Variants in SPIN1 observed in about 807,000 individuals in gnomAD.
The protein encoded by SPIN1 is spindlin-1.
In SPIN1, 3 loss-of-function variants were observed where a neutral mutation model predicts 26.0. That is an observed-to-expected ratio of 0.12 (90% CI 0.05 to 0.30). SPIN1 has a LOEUF of 0.30. Ranked by LOEUF, SPIN1 falls within the 10% of genes least tolerant of loss-of-function variation. The pLI is 1.00. For synonymous variants in SPIN1, 101 were observed against 116.5 expected, an observed-to-expected ratio of 0.87 and a Z score of 0.86; for missense variants, 126 against 333.4, an observed-to-expected ratio of 0.38 and a Z score of 4.84.
intron 1 of SPIN1, among the ~76,000 whole-genome samples, chr9:88,425,066 G>C (rs1827738656): frequency 6.6e-6 from 1 of 152,088 alleles, no homozygotes; most frequent in Non-Finnish European, 1.5e-5. Flanking sequence ...CCATCTTTTT[G>C]GGGGAGCTAT....
At chr9:88,462,808 CTTTT>C (rs1026383859) in intron 4 of SPIN1, 59 bp downstream of exon 4, 8 of 1,495,318 alleles carry the variant, frequency 5.4e-6, no homozygotes, top group South Asian at 1.4e-5. Context: ...GAACTGGATG[CTTTT>C]TTTATTTTAC....
intron 2 of SPIN1, among the ~76,000 whole-genome samples, chr9:88,447,492 C>T (rs375279556): frequency 5.3e-5 from 8 of 152,136 alleles, no homozygotes; most frequent in East Asian, 3.8e-4. Context: ...TTGGCAAGCA[C>T]GTGCTGAGCT....
intron 2 of SPIN1, among the ~76,000 whole-genome samples, chr9:88,446,051 G>C (rs1344153613): frequency 6.6e-6 from 1 of 151,856 alleles, no homozygotes. Flanking sequence ...TTTCCTGTCT[G>C]CTTGTTATAT....
chr9:88,397,362 C>T (rs950833344), intron 1 of SPIN1, among the ~76,000 whole-genome samples: 1 of 151,992 alleles, frequency 6.6e-6, no homozygotes, highest in African/African-American at 2.4e-5. Context: ...CTGTTTTTCC[C>T]CTTGCTTTCC....
intron 4 of SPIN1, among the ~76,000 whole-genome samples, chr9:88,467,291 A>G (rs867047127): frequency 7.2e-5 from 11 of 152,322 alleles, no homozygotes; most frequent in Middle Eastern, 6.8e-3. Context: ...TCATACAAAT[A>G]CTGACCTGCT....
chr9:88,443,780 A>G (rs555416089), intron 2 of SPIN1, among the ~76,000 whole-genome samples: 1 of 152,134 alleles, frequency 6.6e-6, no homozygotes, highest in African/African-American at 2.4e-5. Flanking sequence ...CTGGGTTGTG[A>G]CCTTTGCTTG....
chr9:88,443,119 C>CAAAA (rs769488109), intron 2 of SPIN1, among the ~76,000 whole-genome samples: 58 of 81,384 alleles, frequency 7.1e-4, no homozygotes, highest in African/African-American at 1.9e-3. Flanking sequence ...GACTCCATCT[C>CAAAA]AAAAAAAAAA....
chr9:88,441,718 C>T (rs566654800), intron 2 of SPIN1, among the ~76,000 whole-genome samples: 53 of 150,780 alleles, frequency 3.5e-4, no homozygotes, highest in South Asian at 1.7e-3. Flanking sequence ...ATCGCACCAC[C>T]GCAGTCCAGC....
intron 3 of SPIN1, among the ~76,000 whole-genome samples, chr9:88,449,755 T>G (rs1828322091): frequency 6.6e-6 from 1 of 152,214 alleles, no homozygotes; most frequent in African/African-American, 2.4e-5. Flanking sequence ...CAATCTGTTC[T>G]GATTGTGAGA....
intron 3 of SPIN1, among the ~76,000 whole-genome samples, chr9:88,461,435 T>C (rs556497611): frequency 1.6e-4 from 24 of 152,332 alleles, no homozygotes; most frequent in African/African-American, 5.5e-4. Context: ...TTGTCTCTTA[T>C]GGCCTGTTCC....
At chr9:88,396,987 C>A (rs1319570096) in intron 1 of SPIN1, among the ~76,000 whole-genome samples, 1 of 151,998 alleles carries the variant, frequency 6.6e-6, no homozygotes, top group Non-Finnish European at 1.5e-5. Flanking sequence ...GTGTAGGGCA[C>A]TGAACCATGA....
intron 3 of SPIN1, chr9:88,457,964 G>A (rs1332066883): frequency 3.0e-6 from 3 of 985,336 alleles, no homozygotes; most frequent in Non-Finnish European, 3.6e-6. Flanking sequence ...AATTAGCCAG[G>A]TAAGGTTTTA....
At chr9:88,401,635 A>G (rs1827189349) in intron 1 of SPIN1, among the ~76,000 whole-genome samples, 1 of 152,232 alleles carries the variant, frequency 6.6e-6, no homozygotes, top group Non-Finnish European at 1.5e-5. Flanking sequence ...AAAAAACTTT[A>G]TGTGTTTGGT....
intron 1 of SPIN1, among the ~76,000 whole-genome samples, chr9:88,425,717 G>T (rs1052541612): frequency 1.1e-4 from 16 of 151,550 alleles, no homozygotes; most frequent in Non-Finnish European, 1.9e-4. Context: ...AAATGACTTT[G>T]GCATTTGCAT....
chr9:88,449,193 C>CGTA (rs1828310282), intron 3 of SPIN1, among the ~76,000 whole-genome samples: 1 of 151,910 alleles, frequency 6.6e-6, no homozygotes, highest in Non-Finnish European at 1.5e-5. Flanking sequence ...GCCAGGTCTA[C>CGTA]CCTTCAGCCT....
At chr9:88,412,829 G>T (rs914132625) in intron 1 of SPIN1, among the ~76,000 whole-genome samples, 10 of 151,886 alleles carry the variant, frequency 6.6e-5, no homozygotes, top group African/African-American at 1.9e-4. Flanking sequence ...GACTACAGGC[G>T]CATGCCACCA....
At chr9:88,437,060 C>A (rs1038330882) in intron 2 of SPIN1, among the ~76,000 whole-genome samples, 1 of 151,982 alleles carries the variant, frequency 6.6e-6, no homozygotes, top group Non-Finnish European at 1.5e-5. Context: ...CCACCGCGCC[C>A]GGCCTCCTCT....
chr9:88,412,910 C>G (rs1827481646), intron 1 of SPIN1, among the ~76,000 whole-genome samples: 1 of 151,976 alleles, frequency 6.6e-6, no homozygotes, highest in African/African-American at 2.4e-5. Flanking sequence ...TCTCGAACTC[C>G]TAACCTCGTG....
intron 1 of SPIN1, among the ~76,000 whole-genome samples, chr9:88,414,341 C>G (rs997798016): frequency 1.3e-5 from 2 of 152,228 alleles, no homozygotes; most frequent in Non-Finnish European, 2.9e-5. Flanking sequence ...GCCAGCCCCC[C>G]ACCTCCACAT....
Sources: gnomAD v4.1 joint callset for allele counts (sites outside exome capture counted in the v4.1 genomes callset) on GRCh38, gnomAD v4.1.1 for gene constraint, MANE v1.5 for transcripts, NCBI Gene and HGNC (gene_info 2026-07-23, HGNC 2026-07-21) for gene names.